KLF12: variants seen among roughly 807,000 people sequenced by gnomAD.
The protein encoded by KLF12 is Krueppel-like factor 12.
A neutral mutation model predicts 37.8 loss-of-function variants in KLF12; 9 were observed. The observed-to-expected ratio is 0.24, with a 90% confidence interval of 0.14 to 0.42. The LOEUF (loss-of-function observed/expected upper bound fraction) is 0.42, where lower values mean the gene tolerates loss of function less well. Among genes scored for constraint, KLF12 ranks in the 10% least tolerant of loss-of-function variants. KLF12 has a pLI of 1.00. For synonymous variants in KLF12, 208 were observed against 202.1 expected (o/e 1.03, Z -0.25); for missense variants, 411 against 516.0 (o/e 0.80, Z 1.97).
chr13:74,292,452 C>CT, the KLF12 span, among the ~76,000 whole-genome samples: 18,587 of 136,362 alleles, frequency 0.14, 2,108 homozygotes, highest in African/African-American at 0.34. Flanking sequence ...GTTTCTTTTT[C>CT]TTTTTTTTTT....
intron 2 of KLF12, among the ~76,000 whole-genome samples, chr13:73,992,127 C>T (rs1891985293): frequency 6.6e-6 from 1 of 152,204 alleles, no homozygotes; most frequent in Non-Finnish European, 1.5e-5. Flanking sequence ...ATGTTCTGAA[C>T]ACCTGCTCTA....
At chr13:74,098,193 A>C (rs1487802605) in intron 1 of KLF12, among the ~76,000 whole-genome samples, 1 of 152,206 alleles carries the variant, frequency 6.6e-6, no homozygotes, top group Non-Finnish European at 1.5e-5. Flanking sequence ...TATCATACAC[A>C]GCTGATGCTG....
chr13:74,086,840 A>C (rs1875336529), intron 1 of KLF12, among the ~76,000 whole-genome samples: 1 of 152,206 alleles, frequency 6.6e-6, no homozygotes, highest in East Asian at 1.9e-4. Context: ...CTGTTCTTAC[A>C]TTAAAGTAAG....
chr13:74,141,051 G>T, the KLF12 span, among the ~76,000 whole-genome samples: 4 of 151,600 alleles, frequency 2.6e-5, no homozygotes, highest in Non-Finnish European at 5.9e-5. Context: ...GGTGACAGAG[G>T]GAGACTGTCT....
At chr13:74,192,395 C>G in the KLF12 span, among the ~76,000 whole-genome samples, 6 of 152,184 alleles carry the variant, frequency 3.9e-5, no homozygotes, top group Non-Finnish European at 8.8e-5. Context: ...TCAGATACGA[C>G]TACAGTCCTT....
At chr13:73,794,537 T>A (rs139741114) in intron 5 of KLF12, among the ~76,000 whole-genome samples, 1 of 152,192 alleles carries the variant, frequency 6.6e-6, no homozygotes, top group African/African-American at 2.4e-5. Context: ...ACAGAAAACA[T>A]TTAACTTTTC....
the KLF12 span, among the ~76,000 whole-genome samples, chr13:74,284,751 C>T: frequency 8.5e-5 from 13 of 152,138 alleles, no homozygotes; most frequent in African/African-American, 2.9e-4. Context: ...GAAGGGAGGA[C>T]ATGCGAGAGG....
rs147144113 is a variant in KLF12, at chr13:74,049,079, T to G, written c.-31-54026A>C. Among the ~76,000 whole-genome samples, 318 of 152,296 alleles carry G rather than the reference T, an allele frequency of 2.1e-3. 2 individuals are homozygous for G. The highest frequency in any genetic ancestry group is 7.3e-3 in the African/African-American group (305 of 41,560). On this transcript the variant is annotated intron_variant, in intron 1 of 7. Coordinates refer to ENST00000377669, the MANE Select transcript of KLF12 (RefSeq NM_007249.5). The stretch of plus-strand genomic sequence containing the variant: ...ACAGTCCACTTGAGAATTAGTTAGA[T>G]TTCCACATATCCTCGTGAACACAGC...
intron 4 of KLF12, among the ~76,000 whole-genome samples, chr13:73,817,324 A>AAAAAAAAAAAAAAAAG (rs1184659945): frequency 3.1e-5 from 3 of 97,776 alleles, no homozygotes; most frequent in African/African-American, 9.3e-5. Context: ...GTTTCAAAAA[A>AAAAAAAAAAAAAAAAG]AAAAGAAAAG....
the KLF12 span, among the ~76,000 whole-genome samples, chr13:74,151,619 C>T: frequency 6.6e-6 from 1 of 151,958 alleles, no homozygotes; most frequent in Non-Finnish European, 1.5e-5. Context: ...CACCACTGCA[C>T]TCCAGCCTGG....
chr13:73,695,799 A>G, intron 7 of KLF12, 128 bp from the exon 8 acceptor site: 2 of 865,312 alleles, frequency 2.3e-6, no homozygotes, highest in South Asian at 1.7e-5. Flanking sequence ...TTGTCGGGAA[A>G]CCTTACCATC....
chr13:74,174,245 T>C, the KLF12 span, among the ~76,000 whole-genome samples: 1 of 152,182 alleles, frequency 6.6e-6, no homozygotes, highest in South Asian at 2.1e-4. Flanking sequence ...GGCTTGTCTA[T>C]TGGCTCAAAT....
upstream of KLF12, among the ~76,000 whole-genome samples, chr13:74,134,577 G>C (rs910378111): frequency 1.4e-5 from 2 of 144,784 alleles, no homozygotes; most frequent in Admixed American, 6.8e-5. Flanking sequence ...CCCGGGCCTC[G>C]GCAGCGCTTC....
intron 3 of KLF12, among the ~76,000 whole-genome samples, chr13:73,862,244 A>T (rs1410836799): frequency 6.6e-6 from 1 of 152,164 alleles, no homozygotes; most frequent in African/African-American, 2.4e-5. Flanking sequence ...TACAACATGT[A>T]AAGGGGAAAA....
intron 6 of KLF12, among the ~76,000 whole-genome samples, chr13:73,735,961 T>C (rs959314909): frequency 6.6e-6 from 1 of 151,896 alleles, no homozygotes; most frequent in Non-Finnish European, 1.5e-5. Flanking sequence ...CTTTTTCTTT[T>C]TTTTTTTACC....
chr13:74,062,163 TAA>T (rs932637990), intron 1 of KLF12, among the ~76,000 whole-genome samples: 10 of 152,318 alleles, frequency 6.6e-5, no homozygotes, highest in African/African-American at 2.4e-4. Context: ...GCACCCATGT[TAA>T]AGAGTGTCTG....
At chr13:73,876,446 T>TA (rs1157603567) in intron 3 of KLF12, among the ~76,000 whole-genome samples, 2 of 152,190 alleles carry the variant, frequency 1.3e-5, no homozygotes, top group Non-Finnish European at 2.9e-5. Flanking sequence ...CTCCCTTTCT[T>TA]AAAGACAATT....
intron 2 of KLF12, among the ~76,000 whole-genome samples, chr13:73,967,489 C>G (rs1490443787): frequency 6.6e-6 from 1 of 152,178 alleles, no homozygotes. Flanking sequence ...CTCATCCTTC[C>G]GCCAAGGAGG....
chr13:74,099,696 C>T (rs1264873619), intron 1 of KLF12, among the ~76,000 whole-genome samples: 2 of 152,150 alleles, frequency 1.3e-5, no homozygotes, highest in Non-Finnish European at 2.9e-5. Flanking sequence ...CTGCTATTTC[C>T]ATTTCATAAA....
Sources: gnomAD v4.1 joint callset for allele counts (sites outside exome capture counted in the v4.1 genomes callset) on GRCh38, gnomAD v4.1.1 for gene constraint, MANE v1.5 for transcripts, NCBI Gene and HGNC (gene_info 2026-07-23, HGNC 2026-07-21) for gene names.